The following GRID2 variants were observed in gnomAD, a reference collection of about 807,000 sequenced individuals.
The protein encoded by GRID2 is glutamate receptor ionotropic, delta-2.
A neutral mutation model predicts 114.8 loss-of-function variants in GRID2; 33 were observed. The observed-to-expected ratio is 0.29, with a 90% CI of 0.22 to 0.38. The LOEUF is 0.38. GRID2 is among the 10% of genes least tolerant of loss of function. The pLI is 1.00. For synonymous variants in GRID2, 505 were observed against 449.9 expected (o/e 1.12, Z -1.55); for missense variants, 1,184 against 1,257.7 (o/e 0.94, Z 0.89).
At chr4:93,619,341 T>C (rs888111410) in intron 13 of GRID2, among the ~76,000 whole-genome samples, 3 of 152,208 alleles carry the variant, frequency 2.0e-5, no homozygotes, top group Non-Finnish European at 2.9e-5. Context: ...CCCAGAACCA[T>C]GTGTTATAAA....
chr4:92,676,075 T>A (rs1448735383), intron 2 of GRID2, among the ~76,000 whole-genome samples: 1 of 149,876 alleles, frequency 6.7e-6, no homozygotes, highest in Admixed American at 6.8e-5. Flanking sequence ...GTCATAAATA[T>A]AACTAGCACT....
At chr4:93,738,242 T>G (rs1193333529) in intron 14 of GRID2, among the ~76,000 whole-genome samples, 3 of 152,142 alleles carry the variant, frequency 2.0e-5, no homozygotes, top group African/African-American at 7.2e-5. Context: ...AGAGGTAAGA[T>G]GGTACAAATT....
At chr4:93,222,707 C>T (rs549262935) in intron 6 of GRID2, among the ~76,000 whole-genome samples, 1 of 151,932 alleles carries the variant, frequency 6.6e-6, no homozygotes, top group Non-Finnish European at 1.5e-5. Flanking sequence ...TGAGTGAGAA[C>T]ATGCGGTGTT....
intron 1 of GRID2, among the ~76,000 whole-genome samples, chr4:92,517,515 TA>T (rs1342396791): frequency 6.6e-6 from 1 of 151,922 alleles, no homozygotes; most frequent in Non-Finnish European, 1.5e-5. Context: ...TGTATGTTGT[TA>T]AAAAATATTA....
chr4:93,031,258 C>T, intron 2 of GRID2, among the ~76,000 whole-genome samples: 1 of 151,950 alleles, frequency 6.6e-6, no homozygotes, highest in East Asian at 1.9e-4. Context: ...ATTGGCCAGG[C>T]TGTTCTTGAA....
chr4:92,822,594 G>C, intron 2 of GRID2: 2 of 238,354 alleles, frequency 8.4e-6, no homozygotes, highest in South Asian at 8.9e-5. Flanking sequence ...AATGGAGAAG[G>C]CCACACTCAA....
intron 8 of GRID2, among the ~76,000 whole-genome samples, chr4:93,277,588 T>C (rs1257934017): frequency 1.3e-5 from 2 of 152,006 alleles, no homozygotes; most frequent in African/African-American, 2.4e-5. Flanking sequence ...TATTTTAAAA[T>C]GCACCTATTA....
At chr4:93,469,814 C>G (rs1724633221) in intron 11 of GRID2, among the ~76,000 whole-genome samples, 1 of 152,082 alleles carries the variant, frequency 6.6e-6, no homozygotes, top group South Asian at 2.1e-4. Flanking sequence ...AAAACAAGGT[C>G]AGATCTTCTG....
intron 2 of GRID2, among the ~76,000 whole-genome samples, chr4:93,045,898 G>A (rs2149274617): frequency 6.6e-6 from 1 of 152,152 alleles, no homozygotes. Context: ...AGTATTTATG[G>A]GGGCTGTATA....
chr4:92,482,352 G>A (rs1349192440), intron 1 of GRID2, among the ~76,000 whole-genome samples: 2 of 151,618 alleles, frequency 1.3e-5, no homozygotes, highest in East Asian at 2.0e-4. Flanking sequence ...GGAGGACATG[G>A]GTTGAAAAAC....
intron 8 of GRID2, among the ~76,000 whole-genome samples, chr4:93,243,397 G>T (rs1747772214): frequency 6.6e-6 from 1 of 152,014 alleles, no homozygotes; most frequent in Non-Finnish European, 1.5e-5. Flanking sequence ...AGATTTACTA[G>T]ATGTGTGTCC....
chr4:93,178,492 C>T (rs1345917499), intron 4 of GRID2, among the ~76,000 whole-genome samples: 1 of 135,790 alleles, frequency 7.4e-6, no homozygotes, highest in East Asian at 2.4e-4. Flanking sequence ...AACTCCTGGG[C>T]TCAAGGGATC....
chr4:92,851,790 G>A (rs1002880643), intron 2 of GRID2, among the ~76,000 whole-genome samples: 8 of 152,010 alleles, frequency 5.3e-5, no homozygotes, highest in Middle Eastern at 3.4e-3. Context: ...TGAGGCCAAA[G>A]TAACACCTAA....
At chr4:93,511,447 T>A (rs186675798) in intron 12 of GRID2, among the ~76,000 whole-genome samples, 1 of 152,184 alleles carries the variant, frequency 6.6e-6, no homozygotes, top group East Asian at 1.9e-4. Flanking sequence ...TTGATGCTAG[T>A]CTGATCAGAG....
At chr4:93,742,116 T>C (rs1036956859) in intron 14 of GRID2, among the ~76,000 whole-genome samples, 1 of 152,188 alleles carries the variant, frequency 6.6e-6, no homozygotes, top group Non-Finnish European at 1.5e-5. Context: ...CACAATCATC[T>C]ACATTTTTAT....
chr4:93,059,665 A>G (rs901059885), intron 2 of GRID2, among the ~76,000 whole-genome samples: 1 of 152,112 alleles, frequency 6.6e-6, no homozygotes, highest in Non-Finnish European at 1.5e-5. Context: ...GGATATGCCA[A>G]ATATTAGTTT....
At chr4:93,574,042 A>G (rs2149584369) in intron 13 of GRID2, among the ~76,000 whole-genome samples, 1 of 152,294 alleles carries the variant, frequency 6.6e-6, no homozygotes, top group Non-Finnish European at 1.5e-5. Context: ...GAGGGTAGAG[A>G]TAGGAAATAG....
chr4:92,884,114 T>C (rs1485958391), intron 2 of GRID2, among the ~76,000 whole-genome samples: 1 of 152,190 alleles, frequency 6.6e-6, no homozygotes, highest in East Asian at 1.9e-4. Context: ...TCTGGATAAT[T>C]TACTGCAGCT....
intron 2 of GRID2, among the ~76,000 whole-genome samples, chr4:92,653,347 G>T (rs888552830): frequency 6.7e-6 from 1 of 148,968 alleles, no homozygotes; most frequent in Non-Finnish European, 1.5e-5. Context: ...GTGTGTGTGT[G>T]TTTGTGTGTT....
Sources: allele counts gnomAD v4.1 joint callset (sites outside exome capture counted in the v4.1 genomes callset), GRCh38; gene constraint gnomAD v4.1.1; transcripts MANE v1.5; gene names NCBI Gene and HGNC (gene_info 2026-07-23, HGNC 2026-07-21).